Variants in ALPI observed in about 807,000 individuals in gnomAD.
ALPI encodes alkaline phosphatase, intestinal, also known as intestinal-type alkaline phosphatase.
ALPI carries 50 observed loss-of-function variants against 51.5 expected under a neutral mutation model. The ratio of observed to expected loss-of-function variants is 0.97; its 90% CI spans 0.77 to 1.23. The LOEUF (loss-of-function observed/expected upper bound fraction) is 1.23, where lower values mean the gene tolerates loss of function less well. ALPI is among the 50% of genes most tolerant of loss of function. ALPI has a pLI of 0.00. For missense variants in ALPI, 692 were observed against 722.4 expected (o/e 0.96, Z 0.48); for synonymous variants, 322 against 308.2 (o/e 1.04, Z -0.47).
In ALPI at chr2:232,458,909, C is replaced by T. The variant is rs774467960; in HGVS notation, c.1350C>T (p.Thr450=). Residue 450 remains threonine (T), a synonymous_variant, in exon 11 of 11, where the codon ACC becomes ACT. Coordinates refer to ENST00000295463, the MANE Select transcript of ALPI (RefSeq NM_001631.5). Reference sequence around the variant, plus strand: ...CGGCGGTGCCCCTGTCGTCCGAGACCCACGGAGGCGAAGACGTGGCGGTGT... The same window carrying T: ...CGGCGGTGCCCCTGTCGTCCGAGACTCACGGAGGCGAAGACGTGGCGGTGT... ...QQAAVPLSSE[T]HGGEDVAVFA... 6.2e-7 allele frequency: 1 copy of T among 1,610,556 alleles called. No individual in the cohort carries two copies. The highest frequency in any genetic ancestry group is 1.1e-5 in the South Asian group (1 of 90,814).
chr2:232,458,551 A>G (rs1690244702), intron 9 of ALPI, 81 bp from the exon 10 acceptor site: 1 of 1,551,980 alleles, frequency 6.4e-7, no homozygotes, highest in East Asian at 2.3e-5. Context: ...CGAACAGGCA[A>G]AAAGTGGCGG....
rs747925638 is a variant in ALPI at position 232,458,234 on chromosome 2, G to A, written c.1009G>A (p.Gly337Ser). 1.4e-5 allele frequency: 22 copies of A among 1,614,032 alleles called. No individual in the cohort carries two copies. Among genetic ancestry groups the A allele is most frequent in the Non-Finnish European group, 1.9e-5 (22 of 1,180,030 alleles). ...LFVEGGRIDH[G>S]HHEGVAYQAL... The stretch of plus-strand genomic sequence containing the variant: ...TCCTGCAGGCGGCCGCATCGACCAT[G>A]GTCATCATGAGGGTGTGGCTTACCA... Residue 337 changes from glycine to serine, a missense_variant, in exon 9 of 11, where the codon GGT becomes AGT. Physicochemically the swap from Gly to Ser is moderately conservative, Grantham distance 56. Coordinates refer to ENST00000295463, the MANE Select transcript of ALPI (RefSeq NM_001631.5).
rs1347373821 is a variant in ALPI at position 232,456,269 on chromosome 2, A to G, written c.67+3A>G. The G allele has an allele frequency of 6.2e-7, 1 of 1,613,858 alleles. No individual in the cohort carries two copies. Among genetic ancestry groups the G allele is most frequent in the East Asian group, 2.2e-5 (1 of 44,860 alleles). ...GCTCTCCCTGGGCGTCATCCCAGGTAATGAGGCTCCCCAAGCTGTTCCACA... is the reference window on the plus strand; with the variant it reads ...GCTCTCCCTGGGCGTCATCCCAGGTGATGAGGCTCCCCAAGCTGTTCCACA... On this transcript the variant is annotated splice_donor_region_variant and intron_variant, in intron 1 of 10. Transcript: ENST00000295463. The surrounding 1 kb of genome is among the most constrained non-coding windows in gnomAD (Gnocchi z 4.2).
In ALPI at chr2:232,456,492, C is replaced by T. The variant is rs144782038; in HGVS notation, c.184+27C>T. ...TGAGTGAGCAAGGCCTGTCCAGCCC[C>T]GTAGTCCTCACAGCCCCGGCACCCG... On this transcript the variant is annotated intron_variant, in intron 2 of 10. Coordinates refer to ENST00000295463, the MANE Select transcript of ALPI (RefSeq NM_001631.5). This position sits in a 1 kb window ranked among gnomAD's most constrained non-coding sequence, Gnocchi z 4.2. 2.5e-3 allele frequency: 4,072 copies of T among 1,613,382 alleles called. 11 individuals carry two copies. The highest frequency in any genetic ancestry group is 2.8e-3 in the Non-Finnish European group (3,354 of 1,179,670).
At position 232,458,018 on chromosome 2, in the gene ALPI, A is replaced by C; in HGVS notation, c.877A>C (p.Thr293Pro). 6.2e-7 allele frequency: 1 copy of C among 1,600,436 alleles called. No homozygotes were observed. Among genetic ancestry groups the C allele is most frequent in the South Asian group, 1.1e-5 (1 of 90,462 alleles). ...HLMGLFEPGD[T>P]KYEIHRDPTL... ...CACAGGCCTCTTTGAGCCCGGAGAC[A>C]CGAAATATGAGATCCACCGAGACCC... Residue 293 changes from threonine (T) to proline (P), a missense_variant, in exon 8 of 11, where the codon ACG becomes CCG. By Grantham distance (38) the Thr-to-Pro change is conservative (BLOSUM62 -1). Coordinates refer to ENST00000295463, the MANE Select transcript of ALPI (RefSeq NM_001631.5).
chr2:232,458,419 G>A lies in ALPI; in HGVS notation c.1183+11G>A. The A allele has an allele frequency of 6.2e-7, 1 of 1,610,228 alleles. No homozygotes were observed. The highest frequency in any genetic ancestry group is 8.5e-7 in the Non-Finnish European group (1 of 1,177,678). ...GGAGCTCCATCTTCGGTAGGCCTGG[G>A]GAGAGTGGCAGGTGCTGCTGCATCA... is the stretch of plus-strand genomic sequence containing the variant. On this transcript the variant is annotated intron_variant, in intron 9 of 10. Transcript: ENST00000295463.
chr2:232,458,845 T>A lies in ALPI; in HGVS notation c.1301-15T>A, dbSNP rs768816700. The A allele has an allele frequency of 1.7e-5, 27 of 1,609,752 alleles. No homozygotes were observed. Among genetic ancestry groups the A allele is most frequent in the Non-Finnish European group, 2.0e-5 (23 of 1,178,430 alleles). ...GCCGCCTGCCTGCCCTGAAGTGCAC[T>A]CACCCTCCTACCAGGGAGCCCCGAT... On this transcript the variant is annotated splice_polypyrimidine_tract_variant and intron_variant, in intron 10 of 10. Coordinates refer to ENST00000295463, the MANE Select transcript of ALPI (RefSeq NM_001631.5).
chr2:232,459,069 G>A lies in ALPI; in HGVS notation c.1510G>A (p.Ala504Thr). Residue 504 changes from alanine (A) to threonine (T), a missense_variant, in exon 11 of 11, where the codon GCC (alanine) becomes ACC (threonine). Coordinates refer to ENST00000295463, the MANE Select transcript of ALPI (RefSeq NM_001631.5). ...DLAPPACTTD[A>T]AHPVAASLPL... ...GGCGCCTCCCGCCTGCACCACCGAC[G>A]CCGCGCACCCAGTTGCCGCGTCGCT... is the stretch of plus-strand genomic sequence containing the variant. 7.1e-6 allele frequency: 11 copies of A among 1,546,580 alleles called. No homozygotes were observed. The highest frequency in any genetic ancestry group is 7.8e-6 in the Non-Finnish European group (9 of 1,147,368).
At position 232,457,360 on chromosome 2, in the gene ALPI, G is replaced by A. The variant is rs1449703324; in HGVS notation, c.648+38G>A. ...GGCCAAGGGCTGGGGCTGGGCAGAG[G>A]GGAAGGTGGCACAGGCTCAGATCCA... is the stretch of plus-strand genomic sequence containing the variant. On this transcript the variant is annotated intron_variant, in intron 5 of 10. Transcript: ENST00000295463. The surrounding 1 kb of genome is among the most constrained non-coding windows in gnomAD (Gnocchi z 4.7). The A allele has an allele frequency of 1.3e-6, 2 of 1,574,716 alleles. No individual in the cohort carries two copies. Among genetic ancestry groups the A allele is most frequent in the African/African-American group, 1.3e-5 (1 of 74,376 alleles).
Position 232,456,867 on chromosome 2 carries a change from CG to C in ALPI, c.301-31del. ...TTGGTTGGGGTCTGGGTGTCCGCCCCGAAGTAGAGCTCAGGGTGTCTCCGTT... is the reference window on the plus strand; with the variant it reads ...TTGGTTGGGGTCTGGGTGTCCGCCCCAAGTAGAGCTCAGGGTGTCTCCGTT... On this transcript the variant is annotated intron_variant, in intron 3 of 10. Transcript: ENST00000295463. This position sits in a 1 kb window ranked among gnomAD's most constrained non-coding sequence, Gnocchi z 4.2. 1.1e-5 allele frequency: 18 copies of C among 1,611,182 alleles called. No individual in the cohort carries two copies. Among genetic ancestry groups the C allele is most frequent in the Non-Finnish European group, 1.4e-5 (17 of 1,178,776 alleles).
At position 232,458,000 on chromosome 2, in the gene ALPI, C is replaced by T; in HGVS notation, c.859C>T (p.Leu287Phe). ...LDQSVTHLMG[L>F]FEPGDTKYEI... ...CCACCAAGCTCCTTGTCCCACAGGCCTCTTTGAGCCCGGAGACACGAAATA... is the reference window on the plus strand; with the variant it reads ...CCACCAAGCTCCTTGTCCCACAGGCTTCTTTGAGCCCGGAGACACGAAATA... The change falls in exon 8 of 11, where the codon CTC (leucine) becomes TTC (phenylalanine). Residue 287 changes from leucine to phenylalanine, a missense_variant and splice_region_variant. By Grantham distance (22) the Leu-to-Phe change is conservative. Coordinates refer to ENST00000295463, the MANE Select transcript of ALPI (RefSeq NM_001631.5). This position sits in a 1 kb window ranked among gnomAD's most constrained non-coding sequence, Gnocchi z 4.7. The T allele has an allele frequency of 6.2e-7, 1 of 1,613,688 alleles. No homozygotes were observed. The highest frequency in any genetic ancestry group is 8.5e-7 in the Non-Finnish European group (1 of 1,179,768).
In ALPI at chr2:232,456,537, G is replaced by A. The variant is rs1031357012; in HGVS notation, c.185-43G>A. The A allele has an allele frequency of 1.9e-6, 3 of 1,610,778 alleles. No individual in the cohort carries two copies. Among genetic ancestry groups the A allele is most frequent in the South Asian group, 2.2e-5 (2 of 90,418 alleles). On this transcript the variant is annotated intron_variant, in intron 2 of 10. Coordinates refer to ENST00000295463, the MANE Select transcript of ALPI (RefSeq NM_001631.5). The surrounding 1 kb of genome is among the most constrained non-coding windows in gnomAD (Gnocchi z 4.2). Reference sequence around the variant, plus strand: ...CACCCGGGACCTTCAGTGGTTCCAGGACAACCCTGGGGCCCAGGACTCACA... The same window carrying A: ...CACCCGGGACCTTCAGTGGTTCCAGAACAACCCTGGGGCCCAGGACTCACA...
Position 232,457,824 on chromosome 2 carries a change from G to T in ALPI, c.813G>T (p.Glu271Asp). The T allele has an allele frequency of 6.2e-7, 1 of 1,614,062 alleles. No individual in the cohort carries two copies. The highest frequency in any genetic ancestry group is 8.5e-7 in the Non-Finnish European group (1 of 1,179,982). Residue 271 changes from glutamate to aspartate, a missense_variant, in exon 7 of 11, where the codon GAG becomes GAT. Coordinates refer to ENST00000295463, the MANE Select transcript of ALPI (RefSeq NM_001631.5). This position sits in a 1 kb window ranked among gnomAD's most constrained non-coding sequence, Gnocchi z 4.7. The stretch of plus-strand genomic sequence containing the variant: ...CCTGGTATGTGTGGAACCGCACTGA[G>T]CTCATGCAGGCGTCCCTGGACCAGT... ...QGAWYVWNRT[E>D]LMQASLDQSV...
Position 232,460,159 on chromosome 2 carries a change from G to C in ALPI, c.*1013G>C, listed in dbSNP as rs1237230839. The C allele has an allele frequency of 3.9e-5, 6 of 152,292 alleles. No individual in the cohort carries two copies. Among genetic ancestry groups the C allele is most frequent in the Admixed American group, 3.3e-4 (5 of 15,272 alleles). 9.4% of individuals were successfully genotyped at this position (152,292 alleles called of 1,614,324 possible). On this transcript the variant is annotated 3_prime_UTR_variant, in exon 11 of 11. Coordinates refer to ENST00000295463, the MANE Select transcript of ALPI (RefSeq NM_001631.5). Reference sequence around the variant, plus strand: ...ATTGAGCAAGAGACTTGAACAGAGTGGGGGCTTGAGCAAGGCAGCACAGCA... The same window carrying C: ...ATTGAGCAAGAGACTTGAACAGAGTCGGGGCTTGAGCAAGGCAGCACAGCA...
At position 232,460,295 on chromosome 2, in the gene ALPI, G is replaced by T. The variant is rs1039577811; in HGVS notation, c.*1149G>T. ...GGAAAGCCTGAGGGGTCAGGAGAGT[G>T]GGGTGTGCATGGGGGACTGTGAAGT... On this transcript the variant is annotated 3_prime_UTR_variant, in exon 11 of 11. Transcript: ENST00000295463. 1.4e-4 allele frequency among the ~76,000 whole-genome samples: 21 copies of T among 152,114 alleles called. No homozygotes were observed. Among genetic ancestry groups the T allele is most frequent in the African/African-American group, 5.1e-4 (21 of 41,492 alleles).
rs114307507 is a variant in ALPI at position 232,460,494 on chromosome 2, C to A, written c.*1348C>A. ...AGGAGCTGACTCCAGGTGTTTCTGACCTCCCTCTGAAAGTATTCTGGAGCG... is the reference window on the plus strand; with the variant it reads ...AGGAGCTGACTCCAGGTGTTTCTGAACTCCCTCTGAAAGTATTCTGGAGCG... On this transcript the variant is annotated 3_prime_UTR_variant, in exon 11 of 11. Coordinates refer to ENST00000295463, the MANE Select transcript of ALPI (RefSeq NM_001631.5). Among the ~76,000 whole-genome samples, 410 of 152,228 alleles carry A rather than the reference C, an allele frequency of 2.7e-3. 4 individuals carry two copies. Among genetic ancestry groups the A allele is most frequent in the African/African-American group, 9.5e-3 (393 of 41,520 alleles).
intron 9 of ALPI, 27 bp from the exon 10 acceptor site, chr2:232,458,605 A>ACTACAGGGACCCGCATCTCC: frequency 6.2e-7 from 1 of 1,607,932 alleles, no homozygotes; most frequent in Non-Finnish European, 8.5e-7. Flanking sequence ...GGTCAGCTCA[A>ACTACAGGGACCCGCATCTCC]CTACAGGGAC....
Position 232,457,182 on chromosome 2 carries a change from G to A in ALPI, c.508G>A (p.Val170Met). Residue 170 changes from valine to methionine, a missense_variant, in exon 5 of 11, where the codon GTG becomes ATG. By Grantham distance (21) the Val-to-Met change is conservative. Transcript: ENST00000295463. The surrounding 1 kb of genome is among the most constrained non-coding windows in gnomAD (Gnocchi z 4.7). ...AGTAGGAGTGGTGACCACCACACGGGTGCAGCACGCCTCGCCAGCCGGCAC... is the reference window on the plus strand; with the variant it reads ...AGTAGGAGTGGTGACCACCACACGGATGCAGCACGCCTCGCCAGCCGGCAC... ...KSVGVVTTTR[V>M]QHASPAGTYA... 1 of 1,613,500 alleles carries A rather than the reference G, an allele frequency of 6.2e-7. No homozygotes were observed. Among genetic ancestry groups the A allele is most frequent in the Non-Finnish European group, 8.5e-7 (1 of 1,180,028 alleles).
rs144548496 is a variant in ALPI, at chr2:232,458,726, A to G, written c.1278A>G (p.Pro426=). The G allele has an allele frequency of 1.7e-4, 278 of 1,613,826 alleles. No individual in the cohort carries two copies. The highest frequency in any genetic ancestry group is 2.2e-4 in the Non-Finnish European group (262 of 1,180,034). The change falls in exon 10 of 11, where the codon CCA becomes CCG. Residue 426 remains proline (P), a synonymous_variant. Transcript: ENST00000295463. ...ACGTGTTCAACTCAGGCGTGCGACC[A>G]GACGTGAATGAGAGCGAGAGCGGTG... is the stretch of plus-strand genomic sequence containing the variant. ...PGYVFNSGVR[P]DVNESESGSP... is the part of the protein sequence containing the mutation.
Sources: gnomAD v4.1 joint callset for allele counts (sites outside exome capture counted in the v4.1 genomes callset) on GRCh38, gnomAD v4.1.1 for gene constraint, Gnocchi (gnomAD v3.1) non-coding constraint, MANE v1.5 for transcripts, NCBI Gene and HGNC (gene_info 2026-07-23, HGNC 2026-07-21) for gene names.